TMEM74: variants seen among roughly 807,000 people sequenced by gnomAD.
TMEM74 encodes transmembrane protein 74.
Under a neutral mutation model 18.1 loss-of-function variants are expected in TMEM74, and 13 were observed. The observed-to-expected ratio is 0.72, with a 90% CI of 0.47 to 1.14. The LOEUF (loss-of-function observed/expected upper bound fraction) is 1.14, where lower values mean the gene tolerates loss of function less well. Among genes scored for constraint, TMEM74 ranks in the 50% most tolerant of loss-of-function variants. The probability of loss-of-function intolerance (pLI) is 0.00; values close to 1 mark genes in which losing one functional copy is unlikely to be tolerated. For synonymous variants in TMEM74, 159 were observed against 146.6 expected (o/e 1.08, Z -0.61); for missense variants, 372 against 375.9 (o/e 0.99, Z 0.09).
intron 1 of TMEM74, among the ~76,000 whole-genome samples, chr8:108,709,304 C>T (rs1360330564): frequency 3.3e-5 from 5 of 151,944 alleles, no homozygotes; most frequent in Admixed American, 1.3e-4. Flanking sequence ...ATGAATAGAA[C>T]GAGAAATGTA....
downstream of TMEM74, among the ~76,000 whole-genome samples, chr8:108,777,225 C>T (rs1466640611): frequency 6.6e-6 from 1 of 152,098 alleles, no homozygotes; most frequent in Non-Finnish European, 1.5e-5. Flanking sequence ...CTTTATTATT[C>T]GACGTGTTGT....
At chr8:108,734,196 C>T (rs1024332453) in intron 1 of TMEM74, among the ~76,000 whole-genome samples, 11 of 152,106 alleles carry the variant, frequency 7.2e-5, no homozygotes, top group Non-Finnish European at 1.5e-5. Flanking sequence ...CACTCTCTCT[C>T]GGAGCTCGGA....
At chr8:108,748,229 G>T (rs923544025) in intron 1 of TMEM74, among the ~76,000 whole-genome samples, 2 of 152,024 alleles carry the variant, frequency 1.3e-5, no homozygotes. Flanking sequence ...AGCACCTGTT[G>T]TTTATTGACT....
At chr8:108,754,849 G>A (rs1813941385) in intron 1 of TMEM74, among the ~76,000 whole-genome samples, 1 of 151,910 alleles carries the variant, frequency 6.6e-6, no homozygotes, top group Admixed American at 6.6e-5. Context: ...GTAAGCCTCA[G>A]TCTGAGGGCA....
chr8:108,713,306 A>G (rs945867551), intron 1 of TMEM74, among the ~76,000 whole-genome samples: 1 of 152,240 alleles, frequency 6.6e-6, no homozygotes, highest in African/African-American at 2.4e-5. Flanking sequence ...ATACAATTAT[A>G]AAATAATGAG....
chr8:108,769,950 CTT>C (rs202033037), intron 1 of TMEM74, among the ~76,000 whole-genome samples: 4 of 144,238 alleles, frequency 2.8e-5, no homozygotes, highest in African/African-American at 2.5e-5. Flanking sequence ...CTTCTAGCAT[CTT>C]TTTTTTTTTT....
intron 1 of TMEM74, among the ~76,000 whole-genome samples, chr8:108,743,450 G>T (rs1224026760): frequency 6.6e-6 from 1 of 152,104 alleles, no homozygotes; most frequent in African/African-American, 2.4e-5. Context: ...AAAGGTGGAA[G>T]AATTTGATTT....
chr8:108,615,702 T>C (rs943790899), intron 2 of TMEM74, among the ~76,000 whole-genome samples: 9 of 152,176 alleles, frequency 5.9e-5, no homozygotes, highest in Middle Eastern at 3.4e-3. Flanking sequence ...AGAAGGTTTA[T>C]CATGCTGAAG....
intron 1 of TMEM74, among the ~76,000 whole-genome samples, chr8:108,663,533 C>T (rs1812921222): frequency 6.6e-6 from 1 of 152,068 alleles, no homozygotes; most frequent in Non-Finnish European, 1.5e-5. Flanking sequence ...TTAATTTAAC[C>T]ATTGTGGAAG....
At chr8:108,731,287 T>C (rs1177177999) in intron 1 of TMEM74, among the ~76,000 whole-genome samples, 3 of 151,974 alleles carry the variant, frequency 2.0e-5, no homozygotes, top group East Asian at 3.9e-4. Context: ...AAAGTGGAGT[T>C]ATCAAAAAAG....
chr8:108,615,698 T>C (rs897547873), intron 2 of TMEM74, among the ~76,000 whole-genome samples: 10 of 152,028 alleles, frequency 6.6e-5, no homozygotes, highest in Non-Finnish European at 1.2e-4. Context: ...CATAAGAAGG[T>C]TTATCATGCT....
intron 1 of TMEM74, among the ~76,000 whole-genome samples, chr8:108,771,103 A>G (rs1814166294): frequency 6.6e-6 from 1 of 152,140 alleles, no homozygotes; most frequent in African/African-American, 2.4e-5. Context: ...ATTAATTCAT[A>G]CTTTACTATT....
intron 1 of TMEM74, among the ~76,000 whole-genome samples, chr8:108,671,466 A>G (rs1389908725): frequency 1.3e-5 from 2 of 152,188 alleles, no homozygotes; most frequent in African/African-American, 2.4e-5. Flanking sequence ...CCTGTGCCCA[A>G]AAGAAAAGCA....
chr8:108,619,149 T>G (rs1812413884), intron 2 of TMEM74, among the ~76,000 whole-genome samples: 1 of 152,190 alleles, frequency 6.6e-6, no homozygotes, highest in Non-Finnish European at 1.5e-5. Flanking sequence ...ATATAGTTAT[T>G]AAGTGGTAGG....
At chr8:108,657,466 G>C (rs541974242) in intron 1 of TMEM74, among the ~76,000 whole-genome samples, 62 of 152,144 alleles carry the variant, frequency 4.1e-4, no homozygotes, top group Non-Finnish European at 7.4e-4. Flanking sequence ...TCTTGGGTTT[G>C]TAAGTGCTCT....
chr8:108,623,584 C>G (rs1812464261), intron 2 of TMEM74, among the ~76,000 whole-genome samples: 1 of 152,094 alleles, frequency 6.6e-6, no homozygotes, highest in Non-Finnish European at 1.5e-5. Context: ...CTTAGGCCAA[C>G]ACTAGCCTTA....
intron 1 of TMEM74, 84 bp downstream of exon 1, chr8:108,787,392 G>A (rs906315850): frequency 6.6e-6 from 1 of 152,268 alleles, no homozygotes; most frequent in Non-Finnish European, 1.5e-5. Flanking sequence ...AGAGAGCGGG[G>A]ATATGCGCTC....
At chr8:108,717,700 G>A (rs1813539975) in intron 1 of TMEM74, among the ~76,000 whole-genome samples, 1 of 152,130 alleles carries the variant, frequency 6.6e-6, no homozygotes, top group African/African-American at 2.4e-5. Context: ...GAATGGTCAT[G>A]TGGGGATTTG....
At chr8:108,689,947 A>C (rs958980433) in intron 1 of TMEM74, among the ~76,000 whole-genome samples, 2 of 152,156 alleles carry the variant, frequency 1.3e-5, no homozygotes, top group Non-Finnish European at 2.9e-5. Flanking sequence ...TCCAATTTTT[A>C]ACATTTCAAA....
Sources: gnomAD v4.1 joint callset for allele counts (sites outside exome capture counted in the v4.1 genomes callset) on GRCh38, gnomAD v4.1.1 for gene constraint, MANE v1.5 for transcripts, NCBI Gene and HGNC (gene_info 2026-07-23, HGNC 2026-07-21) for gene names.